NCAM2: variants seen among roughly 807,000 people sequenced by gnomAD.
NCAM2 encodes neural cell adhesion molecule 2.
Under a neutral mutation model 98.1 loss-of-function variants are expected in NCAM2, and 30 were observed. That is an observed-to-expected ratio of 0.31 (90% CI 0.23 to 0.41). The LOEUF (loss-of-function observed/expected upper bound fraction) is 0.41, where lower values mean the gene tolerates loss of function less well. Ranked by LOEUF, NCAM2 falls within the 10% of genes least tolerant of loss-of-function variation. The probability of loss-of-function intolerance (pLI) is 1.00; values close to 1 mark genes in which losing one functional copy is unlikely to be tolerated. For synonymous variants in NCAM2, 368 were observed against 342.4 expected (o/e 1.07, Z -0.83); for missense variants, 867 against 1,005.8 (o/e 0.86, Z 1.87).
chr21:21,461,732 A>G (rs1304152002), intron 12 of NCAM2, among the ~76,000 whole-genome samples: 2 of 151,996 alleles, frequency 1.3e-5, no homozygotes, highest in Non-Finnish European at 2.9e-5. Flanking sequence ...TATATTATTA[A>G]TATTATGCAA....
At chr21:21,115,756 AT>A (rs1484274734) in intron 1 of NCAM2, among the ~76,000 whole-genome samples, 1 of 152,102 alleles carries the variant, frequency 6.6e-6, no homozygotes, top group Non-Finnish European at 1.5e-5. Flanking sequence ...ATTCTACATT[AT>A]TTTCCTGGGA....
At chr21:21,489,927 T>G (rs1029398980) in intron 15 of NCAM2, among the ~76,000 whole-genome samples, 45 of 426 alleles carry the variant, frequency 0.11, 1 homozygote, top group African/African-American at 0.35. Flanking sequence ...AGTTGTATTA[T>G]TCCTTCTATA....
At chr21:21,189,570 AT>A (rs1210635878) in intron 1 of NCAM2, among the ~76,000 whole-genome samples, 9 of 152,198 alleles carry the variant, frequency 5.9e-5, no homozygotes, top group Non-Finnish European at 1.0e-4. Context: ...TATTTAAAAA[AT>A]AAATAAAAAA....
intron 12 of NCAM2, among the ~76,000 whole-genome samples, chr21:21,436,950 T>A: frequency 6.6e-6 from 1 of 151,826 alleles, no homozygotes; most frequent in South Asian, 2.1e-4. Flanking sequence ...ATTTTTGTAT[T>A]TTTTAGTAAA....
intron 9 of NCAM2, among the ~76,000 whole-genome samples, chr21:21,409,546 A>G (rs1467429038): frequency 6.6e-6 from 1 of 152,180 alleles, no homozygotes; most frequent in African/African-American, 2.4e-5. Flanking sequence ...TATGACTTAA[A>G]CGAAATAAAA....
At chr21:21,345,670 A>C (rs1450116084) in intron 8 of NCAM2, among the ~76,000 whole-genome samples, 1 of 152,106 alleles carries the variant, frequency 6.6e-6, no homozygotes, top group Non-Finnish European at 1.5e-5. Flanking sequence ...TAAAAAGGAG[A>C]TAGAGAAAGA....
At chr21:21,010,994 T>C (rs1408456433) in intron 1 of NCAM2, among the ~76,000 whole-genome samples, 1 of 152,048 alleles carries the variant, frequency 6.6e-6, no homozygotes, top group Non-Finnish European at 1.5e-5. Flanking sequence ...AGAGCTTGGA[T>C]AAAATCTAAT....
At chr21:21,375,232 A>G (rs78949870) in intron 9 of NCAM2, among the ~76,000 whole-genome samples, 2 of 151,038 alleles carry the variant, frequency 1.3e-5, no homozygotes, top group African/African-American at 2.4e-5. Context: ...AAAAAAAAAA[A>G]CACCCACTGA....
At chr21:21,533,359 T>C (rs1870855738) in intron 16 of NCAM2, among the ~76,000 whole-genome samples, 1 of 151,976 alleles carries the variant, frequency 6.6e-6, no homozygotes, top group Admixed American at 6.6e-5. Context: ...CGGAATGTCA[T>C]ATAGTTGGAA....
chr21:21,253,593 T>A (rs1190907512), intron 1 of NCAM2, among the ~76,000 whole-genome samples: 1 of 152,168 alleles, frequency 6.6e-6, no homozygotes, highest in Non-Finnish European at 1.5e-5. Context: ...TACCTGAATC[T>A]TTGACTTGCC....
chr21:21,336,925 G>A (rs1257137817), intron 7 of NCAM2, among the ~76,000 whole-genome samples: 2 of 152,196 alleles, frequency 1.3e-5, no homozygotes, highest in African/African-American at 4.8e-5. Flanking sequence ...TGTTCAGAAT[G>A]ATGATCTTCT....
At chr21:21,469,389 T>G (rs1181348593) in intron 14 of NCAM2, among the ~76,000 whole-genome samples, 1 of 151,944 alleles carries the variant, frequency 6.6e-6, no homozygotes, top group Non-Finnish European at 1.5e-5. Flanking sequence ...ACAACTGCGT[T>G]TTGCCTTCAG....
intron 5 of NCAM2, among the ~76,000 whole-genome samples, chr21:21,293,512 T>G (rs1206857784): frequency 6.6e-6 from 1 of 151,786 alleles, no homozygotes; most frequent in Middle Eastern, 3.2e-3. Context: ...ACTGGGTCCT[T>G]AGAGGAGATC....
chr21:21,480,260 G>T (rs904786030), intron 15 of NCAM2, among the ~76,000 whole-genome samples: 3 of 151,344 alleles, frequency 2.0e-5, no homozygotes, highest in African/African-American at 2.4e-5. Context: ...CCAGCTACTC[G>T]GGAGGCTGAG....
intron 1 of NCAM2, among the ~76,000 whole-genome samples, chr21:21,026,536 A>T (rs1227364508): frequency 3.3e-5 from 5 of 151,932 alleles, no homozygotes; most frequent in Non-Finnish European, 7.4e-5. Context: ...GAGGCAGGAG[A>T]ATCGCTTGAA....
At chr21:21,004,749 C>T (rs549997784) in intron 1 of NCAM2, among the ~76,000 whole-genome samples, 1 of 152,078 alleles carries the variant, frequency 6.6e-6, no homozygotes, top group South Asian at 2.1e-4. Flanking sequence ...TATCATAATC[C>T]TCTATTAGCT....
chr21:21,135,461 G>C (rs1267661108), intron 1 of NCAM2, among the ~76,000 whole-genome samples: 2 of 152,114 alleles, frequency 1.3e-5, no homozygotes, highest in African/African-American at 4.8e-5. Flanking sequence ...TCGAGTTTTT[G>C]CTCTGAAACA....
chr21:21,126,236 T>TTAAAAA (rs1555887827), intron 1 of NCAM2, among the ~76,000 whole-genome samples: 5 of 97,566 alleles, frequency 5.1e-5, no homozygotes, highest in Admixed American at 4.1e-4. Context: ...TCATGGAACA[T>TTAAAAA]AAAAAAAAAA....
At chr21:21,029,886 T>C (rs2096651129) in intron 1 of NCAM2, among the ~76,000 whole-genome samples, 1 of 152,108 alleles carries the variant, frequency 6.6e-6, no homozygotes, top group African/African-American at 2.4e-5. Flanking sequence ...CGCCTGAGCC[T>C]CCCAAAGTGC....
Sources: gnomAD v4.1 joint callset for allele counts (sites outside exome capture counted in the v4.1 genomes callset) on GRCh38, gnomAD v4.1.1 for gene constraint, MANE v1.5 for transcripts, NCBI Gene and HGNC (gene_info 2026-07-23, HGNC 2026-07-21) for gene names.